ZC3H6: variants seen among roughly 807,000 people sequenced by gnomAD.
ZC3H6 encodes the protein zinc finger CCCH domain-containing protein 6.
ZC3H6 carries 40 observed loss-of-function variants against 107.7 expected under a neutral mutation model. That is an observed-to-expected ratio of 0.37 (90% CI 0.29 to 0.48). The LOEUF is 0.48. ZC3H6 is among the 20% of genes least tolerant of loss of function. ZC3H6 has a pLI of 0.98. For synonymous variants in ZC3H6, 493 were observed against 487.9 expected, an observed-to-expected ratio of 1.01 and a Z score of -0.14; for missense variants, 1,267 against 1,410.4, an observed-to-expected ratio of 0.90 and a Z score of 1.63.
chr2:112,315,062 CT>C (rs1323537448), intron 5 of ZC3H6, among the ~76,000 whole-genome samples: 4 of 152,068 alleles, frequency 2.6e-5, no homozygotes, highest in African/African-American at 7.2e-5. Flanking sequence ...TATGCTCTAT[CT>C]TTTAGCAAAT....
At chr2:112,329,840 T>A (rs1573966688) in intron 11 of ZC3H6, among the ~76,000 whole-genome samples, 1 of 152,188 alleles carries the variant, frequency 6.6e-6, no homozygotes, top group Non-Finnish European at 1.5e-5. Context: ...TTGTGGCCAA[T>A]TCAGAGCCAA....
intron 2 of ZC3H6, among the ~76,000 whole-genome samples, chr2:112,302,608 A>G (rs940660249): frequency 4.6e-5 from 7 of 152,160 alleles, no homozygotes; most frequent in Non-Finnish European, 8.8e-5. Flanking sequence ...GACCAGATGG[A>G]GGAGATTTGG....
chr2:112,316,317 A>G (rs1193289581), intron 5 of ZC3H6, among the ~76,000 whole-genome samples, 153 bp from the exon 6 acceptor site: 2 of 152,110 alleles, frequency 1.3e-5, no homozygotes, highest in Non-Finnish European at 2.9e-5. Flanking sequence ...CTAGACACAT[A>G]TCTCTCTCCA....
chr2:112,331,337 T>C lies in ZC3H6; in HGVS notation c.2419T>C (p.Leu807=). The change falls in exon 12 of 12, where the codon TTG becomes CTG. Residue 807 remains leucine (L), a synonymous_variant. Coordinates refer to ENST00000409871, the MANE Select transcript of ZC3H6 (RefSeq NM_198581.3). ...TTCTGTTGGTGGAGCAAAGTTTGAT[T>C]TGCATCATGCAAATGCTGGCACTAA... The part of the protein sequence containing the change: ...GSSVGGAKFD[L]HHANAGTNVK... 1 of 1,613,676 alleles carries C rather than the reference T, an allele frequency of 6.2e-7. No homozygotes were observed. The highest frequency in any genetic ancestry group is 8.5e-7 in the Non-Finnish European group (1 of 1,179,884).
chr2:112,315,723 G>C (rs1377589498), intron 5 of ZC3H6, among the ~76,000 whole-genome samples: 2 of 152,006 alleles, frequency 1.3e-5, no homozygotes, highest in African/African-American at 4.8e-5. Flanking sequence ...AGCCTCCCAA[G>C]TAGCTGAGAT....
intron 3 of ZC3H6, among the ~76,000 whole-genome samples, chr2:112,305,935 GA>G (rs1223480379): frequency 6.6e-6 from 1 of 152,138 alleles, no homozygotes; most frequent in Non-Finnish European, 1.5e-5. Flanking sequence ...TCCCTTCAGA[GA>G]GATCTAATTT....
At chr2:112,313,908 CAAAG>C (rs978305862) in intron 5 of ZC3H6, among the ~76,000 whole-genome samples, 1 of 152,090 alleles carries the variant, frequency 6.6e-6, no homozygotes, top group Admixed American at 6.6e-5. Flanking sequence ...AGAGTAGTCA[CAAAG>C]AAGCAAACTT....
At chr2:112,306,321 C>T (rs376190249) in intron 3 of ZC3H6, among the ~76,000 whole-genome samples, 34 of 152,054 alleles carry the variant, frequency 2.2e-4, no homozygotes, top group African/African-American at 7.5e-4. Context: ...TACAGGCATA[C>T]GCCACCACAC....
At chr2:112,294,198 G>T (rs192041113) in intron 1 of ZC3H6, among the ~76,000 whole-genome samples, 2 of 150,996 alleles carry the variant, frequency 1.3e-5, no homozygotes, top group Non-Finnish European at 2.9e-5. Flanking sequence ...TTGGGCTTAC[G>T]TAAGTAGCCT....
chr2:112,338,855 GTA>G lies in ZC3H6; in HGVS notation c.*6424_*6425del, dbSNP rs1157174486. On this transcript the variant is annotated 3_prime_UTR_variant, in exon 12 of 12. Coordinates refer to ENST00000409871, the MANE Select transcript of ZC3H6 (RefSeq NM_198581.3). ...TATATATATATGTATGTATATGTGT[GTA>G]TATATATATATATATATATATATAT... 9.3e-3 allele frequency: 356 copies of G among 38,236 alleles called. 9 individuals are homozygous for G. The highest frequency in any genetic ancestry group is 0.012 in the Non-Finnish European group (263 of 22,698). The allele number at this position is 38,236 out of a possible 1,614,324, so 2.4% of individuals were successfully genotyped here.
intron 1 of ZC3H6, among the ~76,000 whole-genome samples, chr2:112,290,977 C>A (rs1219582884): frequency 6.6e-6 from 1 of 152,120 alleles, no homozygotes; most frequent in African/African-American, 2.4e-5. Context: ...GGAGAAATTT[C>A]TCTCTGATCT....
chr2:112,276,951 G>A (rs760594804), intron 1 of ZC3H6, among the ~76,000 whole-genome samples: 1 of 152,058 alleles, frequency 6.6e-6, no homozygotes, highest in Non-Finnish European at 1.5e-5. Context: ...ACTCCTTTGT[G>A]AATAGAAGTA....
At chr2:112,284,912 GA>G (rs1430883860) in intron 1 of ZC3H6, among the ~76,000 whole-genome samples, 4 of 149,364 alleles carry the variant, frequency 2.7e-5, no homozygotes, top group African/African-American at 4.9e-5. Flanking sequence ...TTGAGTCTGA[GA>G]AAAAAAAGGA....
At chr2:112,312,582 G>A (rs1203890267) in intron 5 of ZC3H6, among the ~76,000 whole-genome samples, 3 of 152,150 alleles carry the variant, frequency 2.0e-5, no homozygotes, top group South Asian at 4.1e-4. Context: ...TGGAGCTTTG[G>A]CTGGGCACAG....
intron 3 of ZC3H6, among the ~76,000 whole-genome samples, chr2:112,305,707 A>G (rs1676467057): frequency 6.6e-6 from 1 of 152,184 alleles, no homozygotes; most frequent in Non-Finnish European, 1.5e-5. Flanking sequence ...CATATCTTAT[A>G]GCACAGGTTT....
intron 6 of ZC3H6, 150 bp from the exon 7 acceptor site, chr2:112,317,071 T>C (rs1676710881): frequency 1.8e-6 from 1 of 546,854 alleles, no homozygotes; most frequent in Admixed American, 3.8e-5. Context: ...AAGGGGTCAT[T>C]TGAGTTATTA....
At chr2:112,279,593 G>A (rs1686491999) in intron 1 of ZC3H6, among the ~76,000 whole-genome samples, 1 of 151,928 alleles carries the variant, frequency 6.6e-6, no homozygotes, top group Non-Finnish European at 1.5e-5. Flanking sequence ...TGTACTACAA[G>A]AACAACAAAA....
chr2:112,287,749 A>T (rs1360436359), intron 1 of ZC3H6, among the ~76,000 whole-genome samples: 1 of 152,114 alleles, frequency 6.6e-6, no homozygotes. Context: ...CTACAGGCGC[A>T]TGCCACCACG....
chr2:112,302,026 T>C (rs1676387515), intron 2 of ZC3H6, among the ~76,000 whole-genome samples: 1 of 151,840 alleles, frequency 6.6e-6, no homozygotes, highest in African/African-American at 2.4e-5. Flanking sequence ...CAAAATTAAT[T>C]CTAGAGAGTC....
Sources: gnomAD v4.1 joint callset for allele counts (sites outside exome capture counted in the v4.1 genomes callset) on GRCh38, gnomAD v4.1.1 for gene constraint, MANE v1.5 for transcripts, NCBI Gene and HGNC (gene_info 2026-07-23, HGNC 2026-07-21) for gene names.